The following CCDC178 variants were observed in gnomAD, a reference collection of about 807,000 sequenced individuals.
CCDC178 encodes coiled-coil domain-containing protein 178.
Under a neutral mutation model 117.4 loss-of-function variants are expected in CCDC178, and 126 were observed. The observed-to-expected ratio is 1.07, with a 90% CI of 0.93 to 1.24. CCDC178 has a LOEUF of 1.24. CCDC178 is among the 50% of genes most tolerant of loss of function. CCDC178 has a pLI of 0.00. For synonymous variants in CCDC178, 283 were observed against 313.4 expected, an observed-to-expected ratio of 0.90 and a Z score of 1.02; for missense variants, 1,030 against 986.9, an observed-to-expected ratio of 1.04 and a Z score of -0.59.
chr18:33,254,272 A>G (rs1241594163), intron 14 of CCDC178, among the ~76,000 whole-genome samples: 2 of 151,252 alleles, frequency 1.3e-5, no homozygotes, highest in Admixed American at 6.6e-5. Context: ...ACACACACAC[A>G]CACACACACA....
intron 20 of CCDC178, among the ~76,000 whole-genome samples, chr18:33,093,888 C>T (rs271475): frequency 0.14 from 21,673 of 151,678 alleles, 2,402 homozygotes; most frequent in African/African-American, 0.31. Context: ...ATCATGATGA[C>T]GATAATGATG....
chr18:33,349,156 G>T (rs973226899), intron 7 of CCDC178, among the ~76,000 whole-genome samples, 181 bp from the exon 8 acceptor site: 4 of 151,528 alleles, frequency 2.6e-5, no homozygotes, highest in African/African-American at 9.7e-5. Context: ...TACACTTAAC[G>T]GTAAATTAAT....
At chr18:32,980,352 G>A (rs1255740300) in intron 21 of CCDC178, among the ~76,000 whole-genome samples, 2 of 151,854 alleles carry the variant, frequency 1.3e-5, no homozygotes, top group African/African-American at 2.4e-5. Flanking sequence ...GGGAGGCCGA[G>A]GCGGGCGGAT....
chr18:32,966,332 A>G (rs1249349145), intron 22 of CCDC178, among the ~76,000 whole-genome samples: 2 of 151,724 alleles, frequency 1.3e-5, no homozygotes, highest in Admixed American at 6.6e-5. Context: ...AAGAATTTTT[A>G]TTGGAACACA....
intron 21 of CCDC178, among the ~76,000 whole-genome samples, chr18:33,075,207 T>G (rs1371187541): frequency 2.0e-5 from 3 of 152,224 alleles, no homozygotes; most frequent in African/African-American, 7.2e-5. Context: ...AGTATCACTG[T>G]GTATAACCTA....
chr18:33,394,436 A>G (rs958310361), intron 4 of CCDC178, among the ~76,000 whole-genome samples: 3 of 152,038 alleles, frequency 2.0e-5, no homozygotes, highest in Non-Finnish European at 4.4e-5. Context: ...GTCTAGTTCC[A>G]GTCTTTCAAC....
chr18:33,257,954 A>T (rs2059699543), intron 14 of CCDC178, among the ~76,000 whole-genome samples: 1 of 152,066 alleles, frequency 6.6e-6, no homozygotes, highest in South Asian at 2.1e-4. Context: ...ATTTCAGCAA[A>T]TAGCCAACCA....
intron 21 of CCDC178, among the ~76,000 whole-genome samples, chr18:33,011,807 A>AAAAAAAAAAAC (rs2055876852): frequency 7.8e-6 from 1 of 128,976 alleles, no homozygotes; most frequent in African/African-American, 3.1e-5. Flanking sequence ...AAAAAAAAAA[A>AAAAAAAAAAAC]AGGACACAGG....
chr18:33,408,259 T>C (rs1425449997), intron 3 of CCDC178, among the ~76,000 whole-genome samples: 2 of 151,840 alleles, frequency 1.3e-5, no homozygotes, highest in Non-Finnish European at 2.9e-5. Flanking sequence ...AAAAAATTAA[T>C]GGCAAAACAT....
At chr18:33,361,753 A>G (rs1047839775) in intron 6 of CCDC178, among the ~76,000 whole-genome samples, 3 of 151,850 alleles carry the variant, frequency 2.0e-5, no homozygotes, top group African/African-American at 7.2e-5. Context: ...CCACTATGAG[A>G]TATCTTCTCA....
chr18:32,968,138 T>A lies in CCDC178; in HGVS notation c.2523+6409A>T, dbSNP rs564866434. ...GTACCTGTTGACAAATCTCTCCCCA[T>A]CCTCCTCTTCTCTAGCCTCTCCCCA... On this transcript the variant is annotated intron_variant, in intron 22 of 22. Transcript: ENST00000383096. Among the ~76,000 whole-genome samples, 40 of 152,006 alleles carry A rather than the reference T, an allele frequency of 2.6e-4. 1 individual carries two copies. In the South Asian group the frequency reaches 8.1e-3, roughly 31 times the overall value.
chr18:33,152,433 C>T (rs574088569), intron 20 of CCDC178, among the ~76,000 whole-genome samples: 2 of 152,020 alleles, frequency 1.3e-5, no homozygotes, highest in Admixed American at 6.5e-5. Flanking sequence ...GCAAGCATGA[C>T]ACAAGCAGAG....
intron 12 of CCDC178, among the ~76,000 whole-genome samples, chr18:33,285,330 T>C (rs1315465980): frequency 1.3e-5 from 2 of 151,892 alleles, no homozygotes; most frequent in African/African-American, 4.8e-5. Flanking sequence ...AATAAAACAG[T>C]GGCCCATGAA....
intron 9 of CCDC178, among the ~76,000 whole-genome samples, chr18:33,344,310 C>CAAAAAA (rs58987470): frequency 2.5e-5 from 2 of 80,806 alleles, no homozygotes; most frequent in Non-Finnish European, 2.4e-5. Flanking sequence ...GACTCCGTCT[C>CAAAAAA]AAAAAAAAAA....
intron 21 of CCDC178, among the ~76,000 whole-genome samples, chr18:32,995,799 A>T (rs2055490790): frequency 6.6e-6 from 1 of 152,092 alleles, no homozygotes; most frequent in Non-Finnish European, 1.5e-5. Context: ...CTGACAAATT[A>T]GAAAAGCATA....
intron 2 of CCDC178, among the ~76,000 whole-genome samples, chr18:33,414,286 T>C (rs531171357): frequency 6.6e-6 from 1 of 152,146 alleles, no homozygotes; most frequent in African/African-American, 2.4e-5. Flanking sequence ...TTAATGTAGC[T>C]GTGACTAGGC....
At chr18:33,388,458 A>C (rs1372408923) in intron 5 of CCDC178, among the ~76,000 whole-genome samples, 1 of 151,690 alleles carries the variant, frequency 6.6e-6, no homozygotes, top group Non-Finnish European at 1.5e-5. Context: ...ACATGGAATC[A>C]ACCCAAATGC....
intron 20 of CCDC178, among the ~76,000 whole-genome samples, chr18:33,115,339 T>G (rs2057840941): frequency 6.6e-6 from 1 of 152,058 alleles, no homozygotes; most frequent in Non-Finnish European, 1.5e-5. Flanking sequence ...TTTATCAAAA[T>G]GTACTATATC....
At chr18:33,075,486 T>C (rs1404138662) in intron 21 of CCDC178, among the ~76,000 whole-genome samples, 6 of 152,186 alleles carry the variant, frequency 3.9e-5, no homozygotes, top group Admixed American at 3.9e-4. Context: ...AATGTGATTA[T>C]TATGCATTAT....
Sources: allele counts gnomAD v4.1 joint callset (sites outside exome capture counted in the v4.1 genomes callset), GRCh38; gene constraint gnomAD v4.1.1; transcripts MANE v1.5; gene names NCBI Gene and HGNC (gene_info 2026-07-23, HGNC 2026-07-21).